The following SMCHD1 variants were observed in gnomAD, a reference collection of about 807,000 sequenced individuals.
The protein encoded by SMCHD1 is structural maintenance of chromosomes flexible hinge domain-containing protein 1.
Under a neutral mutation model 254.7 loss-of-function variants are expected in SMCHD1, and 78 were observed. The ratio of observed to expected loss-of-function variants is 0.31; its 90% CI spans 0.26 to 0.37. The LOEUF (loss-of-function observed/expected upper bound fraction) is 0.37. Ranked by LOEUF, SMCHD1 falls within the 10% of genes least tolerant of loss-of-function variation. The probability of loss-of-function intolerance (pLI) is 1.00; values close to 1 mark genes in which losing one functional copy is unlikely to be tolerated. For synonymous variants in SMCHD1, 766 were observed against 794.9 expected (o/e 0.96, Z 0.61); for missense variants, 1,840 against 2,408.1 (o/e 0.76, Z 4.94).
intron 45 of SMCHD1, among the ~76,000 whole-genome samples, chr18:2,795,488 GTCAGTTACACTTACACA>G (rs1469574390): frequency 1.3e-5 from 2 of 152,208 alleles, no homozygotes; most frequent in African/African-American, 4.8e-5. Flanking sequence ...CATGCTCACT[GTCAGTTACACTTACACA>G]TCTTTTTATT....
intron 23 of SMCHD1, chr18:2,728,916 T>C (rs2075079663): frequency 4.2e-6 from 1 of 236,844 alleles, no homozygotes; most frequent in Non-Finnish European, 7.8e-6. Flanking sequence ...CTGCTCTGCC[T>C]ATGGAGTAGC....
chr18:2,680,503 C>G (rs892926219), intron 5 of SMCHD1, among the ~76,000 whole-genome samples: 1 of 152,184 alleles, frequency 6.6e-6, no homozygotes, highest in African/African-American at 2.4e-5. Context: ...GCTCTGTGTG[C>G]ATAGTGGGGT....
At chr18:2,795,485 A>G (rs1043479384) in intron 45 of SMCHD1, among the ~76,000 whole-genome samples, 9 of 152,184 alleles carry the variant, frequency 5.9e-5, no homozygotes, top group Non-Finnish European at 1.3e-4. Context: ...CAGCATGCTC[A>G]CTGTCAGTTA....
At chr18:2,778,044 G>C (rs760839878) in intron 43 of SMCHD1, 125 bp from the exon 44 acceptor site, 7 of 983,010 alleles carry the variant, frequency 7.1e-6, no homozygotes, top group Non-Finnish European at 1.0e-5. Context: ...AGTTTTTTTA[G>C]AGTACAAATA....
intron 5 of SMCHD1, among the ~76,000 whole-genome samples, chr18:2,683,182 A>C (rs1175930991): frequency 6.6e-6 from 1 of 151,974 alleles, no homozygotes; most frequent in Non-Finnish European, 1.5e-5. Flanking sequence ...TTTTCAACTT[A>C]TTTCCTAGAA....
intron 19 of SMCHD1, among the ~76,000 whole-genome samples, chr18:2,719,004 A>C (rs1212055807): frequency 1.3e-5 from 2 of 151,406 alleles, no homozygotes; most frequent in East Asian, 3.9e-4. Flanking sequence ...CCTCCCCCAA[A>C]ACGTTCTCTG....
At chr18:2,793,250 A>C (rs1411877092) in intron 45 of SMCHD1, among the ~76,000 whole-genome samples, 1 of 152,204 alleles carries the variant, frequency 6.6e-6, no homozygotes, top group Non-Finnish European at 1.5e-5. Context: ...TATACTTTCC[A>C]TCCTTTTGTG....
In SMCHD1 at chr18:2,729,735, G is replaced by T. The variant is rs568289693; in HGVS notation, c.3048+326G>T. ...TTTTTTTTTTTTTTAAAGAGATAGG[G>T]TCTCACTCTGTTGTCTAGGCTGGAG... On this transcript the variant is annotated intron_variant, in intron 24 of 47. Transcript: ENST00000320876. Among the ~76,000 whole-genome samples the T allele has an allele frequency of 8.0e-3, 1,172 of 147,406 alleles. 10 individuals carry two copies. Among genetic ancestry groups the T allele is most frequent in the Non-Finnish European group, 0.01 (680 of 67,166 alleles).
At position 2,795,971 on chromosome 18, in the gene SMCHD1, T is replaced by C. The variant is rs2076256156; in HGVS notation, c.5742T>C (p.Ser1914=). Residue 1914 remains serine, a synonymous_variant, in exon 46 of 48, where the codon TCT becomes TCC. Transcript: ENST00000320876. ...EQIDLLQQYR[S]AVCKLDSVNK... ...CAGATCTTCTTCAGCAGTATCGTTC[T>C]GCTGTGTGCAAACTAGACAGTGTGA... is the stretch of plus-strand genomic sequence containing the variant. 2 of 1,595,900 alleles carry C rather than the reference T, an allele frequency of 1.3e-6. No homozygotes were observed. The highest frequency in any genetic ancestry group is 2.7e-5 in the African/African-American group (2 of 74,862).
At chr18:2,716,560 G>A (rs1324119359) in intron 17 of SMCHD1, among the ~76,000 whole-genome samples, 1 of 152,160 alleles carries the variant, frequency 6.6e-6, no homozygotes, top group Non-Finnish European at 1.5e-5. Context: ...GGCAGGGCTG[G>A]GCTGGAGAAT....
chr18:2,717,851 CAA>C (rs2074837484), intron 17 of SMCHD1, among the ~76,000 whole-genome samples: 1 of 151,900 alleles, frequency 6.6e-6, no homozygotes, highest in Non-Finnish European at 1.5e-5. Context: ...CTAGAGTGGG[CAA>C]TAAATAAGGA....
At chr18:2,725,970 T>C (rs2075019961) in intron 21 of SMCHD1, among the ~76,000 whole-genome samples, 1 of 151,934 alleles carries the variant, frequency 6.6e-6, no homozygotes, top group Admixed American at 6.6e-5. Context: ...ATTGACAAAA[T>C]ACTACTGACA....
At chr18:2,695,178 C>T (rs582585) in intron 8 of SMCHD1, among the ~76,000 whole-genome samples, 61,662 of 151,920 alleles carry the variant, frequency 0.41, 14,307 homozygotes, top group East Asian at 0.6. Flanking sequence ...AAAAAATATA[C>T]GTACATATGT....
intron 34 of SMCHD1, among the ~76,000 whole-genome samples, chr18:2,756,050 C>A (rs2075672631): frequency 6.6e-6 from 1 of 152,108 alleles, no homozygotes; most frequent in African/African-American, 2.4e-5. Flanking sequence ...ATTTCTAAGT[C>A]TTAATTATAA....
intron 45 of SMCHD1, among the ~76,000 whole-genome samples, chr18:2,792,052 C>T (rs1368984555): frequency 6.6e-6 from 1 of 152,062 alleles, no homozygotes; most frequent in Non-Finnish European, 1.5e-5. Context: ...TGCTATATTC[C>T]CAAATATTTC....
At chr18:2,698,640 T>C (rs1220440577) in intron 10 of SMCHD1, among the ~76,000 whole-genome samples, 1 of 151,470 alleles carries the variant, frequency 6.6e-6, no homozygotes, top group Admixed American at 6.6e-5. Flanking sequence ...AGTACTAGGA[T>C]TACAGGTGTG....
At chr18:2,722,444 G>T in intron 19 of SMCHD1, 75 bp from the exon 20 acceptor site, 1 of 1,202,866 alleles carries the variant, frequency 8.3e-7, no homozygotes, top group East Asian at 2.4e-5. Flanking sequence ...AGATAGAAAT[G>T]GATCTGTTTT....
chr18:2,676,383 G>A (rs2073748913), intron 5 of SMCHD1, among the ~76,000 whole-genome samples: 1 of 152,324 alleles, frequency 6.6e-6, no homozygotes. Flanking sequence ...GGAGAAGAGG[G>A]CCTCTTTGAG....
At chr18:2,757,195 G>A (rs750174575) in intron 34 of SMCHD1, among the ~76,000 whole-genome samples, 1 of 151,980 alleles carries the variant, frequency 6.6e-6, no homozygotes, top group Non-Finnish European at 1.5e-5. Context: ...ATTAGTATTT[G>A]GATCAAAAAT....
Sources: allele counts gnomAD v4.1 joint callset (sites outside exome capture counted in the v4.1 genomes callset), GRCh38; gene constraint gnomAD v4.1.1; transcripts MANE v1.5; gene names NCBI Gene and HGNC (gene_info 2026-07-23, HGNC 2026-07-21).